NEIL2: variants seen among roughly 807,000 people sequenced by gnomAD.
NEIL2 encodes endonuclease 8-like 2.
Under a neutral mutation model 22.2 loss-of-function variants are expected in NEIL2, and 23 were observed. The observed-to-expected ratio is 1.04, with a 90% CI of 0.75 to 1.47. The LOEUF (loss-of-function observed/expected upper bound fraction) is 1.47. Ranked by LOEUF, NEIL2 falls within the 40% of genes most tolerant of loss-of-function variation. The probability of loss-of-function intolerance (pLI) is 0.00; values close to 1 mark genes in which losing one functional copy is unlikely to be tolerated. For synonymous variants in NEIL2, 229 were observed against 164.8 expected (o/e 1.39, Z -2.99); for missense variants, 583 against 404.7 (o/e 1.44, Z -3.78).
Position 11,779,755 on chromosome 8 carries a change from A to C in NEIL2, c.296A>C (p.Asp99Ala), listed in dbSNP as rs891423673. 6.2e-7 allele frequency: 1 copy of C among 1,614,122 alleles called. No individual in the cohort carries two copies. The highest frequency in any genetic ancestry group is 1.3e-5 in the African/African-American group (1 of 74,948). ...GAGCCCAGCGGGCAGAAGACCCTTGATGGATCCTCACGGTCTGCAGAGCTC... is the reference window on the plus strand; with the variant it reads ...GAGCCCAGCGGGCAGAAGACCCTTGCTGGATCCTCACGGTCTGCAGAGCTC... The part of the protein sequence containing the change: ...VGEPSGQKTL[D>A]GSSRSAELVP... The change falls in exon 3 of 5, where the codon GAT becomes GCT. Residue 99 changes from aspartate to alanine, a missense_variant. Asp to Ala is a moderately radical substitution (Grantham distance 126). Transcript: ENST00000284503.
In NEIL2 at chr8:11,783,222, G is replaced by T; in HGVS notation, c.511G>T (p.Gly171Cys). ...TCCCAGGTTGGTCCTGCACTTTGGT[G>T]GTGGTGGCTTCCTGGCATTTTATAA... ...PSPRLVLHFGGGGFLAFYNCQ... is the reference protein window; with the variant it reads ...PSPRLVLHFGCGGFLAFYNCQ... Residue 171 changes from glycine to cysteine, a missense_variant, in exon 4 of 5, where the codon GGT becomes TGT. Transcript: ENST00000284503. The T allele has an allele frequency of 6.2e-7, 1 of 1,614,246 alleles. No individual in the cohort carries two copies. Among genetic ancestry groups the T allele is most frequent in the East Asian group, 2.2e-5 (1 of 44,892 alleles).
chr8:11,777,995 A>G (rs1804057547), intron 2 of NEIL2, among the ~76,000 whole-genome samples: 1 of 152,218 alleles, frequency 6.6e-6, no homozygotes, highest in African/African-American at 2.4e-5. Flanking sequence ...GCAGAGCCTT[A>G]TTCATCTGTT....
At chr8:11,773,667 C>T (rs905773961) in intron 2 of NEIL2, among the ~76,000 whole-genome samples, 4 of 152,054 alleles carry the variant, frequency 2.6e-5, no homozygotes, top group Admixed American at 1.3e-4. Context: ...CAGTTACAGG[C>T]GGGCCGATGG....
intron 2 of NEIL2, among the ~76,000 whole-genome samples, chr8:11,771,885 C>T (rs868171866): frequency 2.6e-5 from 4 of 152,158 alleles, no homozygotes; most frequent in South Asian, 2.1e-4. Flanking sequence ...GTGTTCTATT[C>T]CCCTGAGCCA....
intron 2 of NEIL2, among the ~76,000 whole-genome samples, chr8:11,776,148 G>A (rs1441636075): frequency 6.6e-6 from 1 of 152,186 alleles, no homozygotes; most frequent in Non-Finnish European, 1.5e-5. Context: ...ACATGTCTGG[G>A]GAGTCCTCAT....
chr8:11,778,640 G>A (rs1804113445), intron 2 of NEIL2, among the ~76,000 whole-genome samples: 1 of 151,960 alleles, frequency 6.6e-6, no homozygotes, highest in African/African-American at 2.4e-5. Context: ...ATATCAGGAG[G>A]TGCAATATGA....
chr8:11,779,824 C>A lies in NEIL2; in HGVS notation c.365C>A (p.Ala122Asp), dbSNP rs148643053. The part of the protein sequence containing the change: ...EDDSEYLERD[A>D]PAGDAGRWLR... ...GATTCTGAGTATTTGGAGAGAGACG[C>A]CCCTGCAGGAGATGCTGGGAGGTGG... Residue 122 changes from alanine to aspartate, a missense_variant, in exon 3 of 5, where the codon GCC (alanine) becomes GAC (aspartate). Ala to Asp is a moderately radical substitution (Grantham distance 126, BLOSUM62 -2). Coordinates refer to ENST00000284503, the MANE Select transcript of NEIL2 (RefSeq NM_145043.4). 1.4e-5 allele frequency: 23 copies of A among 1,613,976 alleles called. No homozygotes were observed. The African/African-American group carries it at 2.7e-4, about 19-fold the overall frequency.
intron 1 of NEIL2, 40 bp from the exon 2 acceptor site, chr8:11,771,406 A>G (rs997298003): frequency 6.2e-7 from 1 of 1,611,878 alleles, no homozygotes; most frequent in Non-Finnish European, 8.5e-7. Flanking sequence ...GAGATAAATG[A>G]GCTAAGTCGG....
At chr8:11,782,367 G>A (rs1167231958) in intron 3 of NEIL2, among the ~76,000 whole-genome samples, 2 of 152,190 alleles carry the variant, frequency 1.3e-5, no homozygotes, top group Non-Finnish European at 2.9e-5. Context: ...AGAGATTGCA[G>A]TGAGCCAAGA....
intron 2 of NEIL2, among the ~76,000 whole-genome samples, chr8:11,773,047 C>T (rs1803608742): frequency 6.6e-6 from 1 of 152,210 alleles, no homozygotes; most frequent in Non-Finnish European, 1.5e-5. Flanking sequence ...AGTACTTAGC[C>T]CAAGCTCAGG....
chr8:11,780,876 T>G (rs1215881114), intron 3 of NEIL2, among the ~76,000 whole-genome samples: 2 of 152,178 alleles, frequency 1.3e-5, no homozygotes, highest in Admixed American at 1.3e-4. Flanking sequence ...TGTTAGGTCG[T>G]TTGTGTACTT....
chr8:11,775,054 C>G (rs912493062), intron 2 of NEIL2, among the ~76,000 whole-genome samples: 5 of 152,374 alleles, frequency 3.3e-5, no homozygotes, highest in African/African-American at 1.2e-4. Context: ...GACAGTGGCC[C>G]TCTTCTCACA....
intron 4 of NEIL2, 87 bp downstream of exon 4, chr8:11,783,486 C>G (rs1804628718): frequency 2.7e-6 from 3 of 1,109,212 alleles, no homozygotes; most frequent in African/African-American, 3.1e-5. Context: ...GAGGGCCACC[C>G]TAGTTGTGCC....
intron 4 of NEIL2, among the ~76,000 whole-genome samples, chr8:11,784,006 A>T (rs1363043387): frequency 6.6e-6 from 1 of 152,186 alleles, no homozygotes; most frequent in African/African-American, 2.4e-5. Flanking sequence ...TACATATAAC[A>T]GCTAATTAGC....
intron 2 of NEIL2, among the ~76,000 whole-genome samples, chr8:11,778,745 A>G (rs1299846844): frequency 6.6e-6 from 1 of 152,090 alleles, no homozygotes; most frequent in African/African-American, 2.4e-5. Flanking sequence ...TGAGGTCAGG[A>G]GTTCGAGACC....
intron 2 of NEIL2, among the ~76,000 whole-genome samples, chr8:11,775,502 C>T (rs1216183825): frequency 6.6e-6 from 1 of 152,200 alleles, no homozygotes; most frequent in Non-Finnish European, 1.5e-5. Context: ...CTCTGACATG[C>T]TCTGGAGACA....
chr8:11,781,567 C>T (rs1488533291), intron 3 of NEIL2, among the ~76,000 whole-genome samples: 1 of 152,198 alleles, frequency 6.6e-6, no homozygotes, highest in Non-Finnish European at 1.5e-5. Flanking sequence ...GAAATGTGCT[C>T]CCCGAAGGAG....
intron 4 of NEIL2, 62 bp from the exon 5 acceptor site, chr8:11,785,901 G>T: frequency 6.8e-7 from 1 of 1,470,420 alleles, no homozygotes; most frequent in Non-Finnish European, 9.5e-7. Flanking sequence ...TTAACTTTGT[G>T]GGTGGTTTCA....
At chr8:11,781,232 G>A (rs529298883) in intron 3 of NEIL2, among the ~76,000 whole-genome samples, 1 of 152,258 alleles carries the variant, frequency 6.6e-6, no homozygotes, top group South Asian at 2.1e-4. Context: ...ACTCGGAGTA[G>A]CTTCTGTGGT....
Sources: allele counts gnomAD v4.1 joint callset (sites outside exome capture counted in the v4.1 genomes callset), GRCh38; gene constraint gnomAD v4.1.1; transcripts MANE v1.5; gene names NCBI Gene and HGNC (gene_info 2026-07-23, HGNC 2026-07-21).